GLIS3: variants seen among roughly 807,000 people sequenced by gnomAD.
The protein encoded by GLIS3 is GLIS family zinc finger 3, also known as zinc finger protein GLIS3.
GLIS3 carries 53 observed loss-of-function variants against 78.6 expected under a neutral mutation model. That is an observed-to-expected ratio of 0.67 (90% CI 0.54 to 0.85). The LOEUF is 0.85. Among genes scored for constraint, GLIS3 ranks in the 40% least tolerant of loss-of-function variants. The pLI is 0.00. For missense variants in GLIS3, 1,703 were observed against 1,231.1 expected (o/e 1.38, Z -5.74); for synonymous variants, 684 against 509.9 (o/e 1.34, Z -4.60).
chr9:4,335,065 T>C (rs868393342), intron 2 of GLIS3, among the ~76,000 whole-genome samples: 7 of 152,024 alleles, frequency 4.6e-5, no homozygotes, highest in African/African-American at 1.4e-4. Flanking sequence ...CCCGCCACTA[T>C]ACCTGGCTAA....
At chr9:4,407,454 G>A in the GLIS3 span, among the ~76,000 whole-genome samples, 1 of 152,152 alleles carries the variant, frequency 6.6e-6, no homozygotes, top group Non-Finnish European at 1.5e-5. Context: ...GACCATCCTG[G>A]CTAACACTGT....
intron 1 of GLIS3, among the ~76,000 whole-genome samples, chr9:4,288,904 G>A (rs952989378): frequency 6.6e-6 from 1 of 152,002 alleles, no homozygotes; most frequent in Non-Finnish European, 1.5e-5. Context: ...AAAATATGGC[G>A]AATATTCCAG....
intron 2 of GLIS3, among the ~76,000 whole-genome samples, chr9:4,214,510 T>C (rs1367668845): frequency 1.3e-5 from 2 of 152,186 alleles, no homozygotes; most frequent in African/African-American, 2.4e-5. Context: ...AGTCCCAAGA[T>C]AGAAACCTTT....
At chr9:4,181,862 G>A (rs949216480) in intron 2 of GLIS3, among the ~76,000 whole-genome samples, 6 of 152,228 alleles carry the variant, frequency 3.9e-5, no homozygotes, top group South Asian at 2.1e-4. Context: ...CCAAGCTAAG[G>A]GCCCAGATAG....
At chr9:4,205,829 G>C (rs950775972) in intron 2 of GLIS3, among the ~76,000 whole-genome samples, 1 of 152,226 alleles carries the variant, frequency 6.6e-6, no homozygotes, top group African/African-American at 2.4e-5. Context: ...AATGAAAGCA[G>C]TTTCAAGGGA....
At chr9:4,431,533 G>A in the GLIS3 span, among the ~76,000 whole-genome samples, 1 of 152,150 alleles carries the variant, frequency 6.6e-6, no homozygotes, top group Non-Finnish European at 1.5e-5. Context: ...TCCAGAGGCT[G>A]GCAAATGTTT....
chr9:4,469,421 A>T, the GLIS3 span, among the ~76,000 whole-genome samples: 1 of 152,212 alleles, frequency 6.6e-6, no homozygotes. Flanking sequence ...AAGAACAGAA[A>T]TTATAACAAA....
chr9:3,903,496 G>A (rs368574585), intron 6 of GLIS3, among the ~76,000 whole-genome samples: 5 of 152,156 alleles, frequency 3.3e-5, no homozygotes, highest in African/African-American at 1.2e-4. Context: ...CTATGTGAAC[G>A]GCGTTCCTGG....
chr9:4,239,725 A>G (rs1470291478), intron 2 of GLIS3, among the ~76,000 whole-genome samples: 1 of 152,222 alleles, frequency 6.6e-6, no homozygotes, highest in Non-Finnish European at 1.5e-5. Flanking sequence ...CATCTAGGAC[A>G]CTAAATAGGT....
intron 3 of GLIS3, among the ~76,000 whole-genome samples, chr9:4,309,382 T>C (rs1032787170): frequency 1.3e-5 from 2 of 152,212 alleles, no homozygotes; most frequent in African/African-American, 4.8e-5. Context: ...TTTCCACTTA[T>C]GAACAAAGGT....
chr9:4,077,719 AAG>A (rs1443198520), intron 4 of GLIS3, among the ~76,000 whole-genome samples: 1 of 152,120 alleles, frequency 6.6e-6, no homozygotes, highest in African/African-American at 2.4e-5. Context: ...AGGAAAGAGA[AAG>A]GGCGGGCTGG....
chr9:4,265,896 G>A (rs902665685), intron 2 of GLIS3, among the ~76,000 whole-genome samples: 1 of 105,532 alleles, frequency 9.5e-6, no homozygotes, highest in Admixed American at 1.1e-4. Flanking sequence ...CACTCACCCT[G>A]GTTTTTTTTT....
the GLIS3 span, among the ~76,000 whole-genome samples, chr9:4,449,741 C>A: frequency 6.6e-6 from 1 of 152,166 alleles, no homozygotes; most frequent in African/African-American, 2.4e-5. Flanking sequence ...AACAGACCTG[C>A]AGCTGAGGGA....
At chr9:4,257,669 G>A (rs1163395022) in intron 2 of GLIS3, among the ~76,000 whole-genome samples, 1 of 151,830 alleles carries the variant, frequency 6.6e-6, no homozygotes, top group African/African-American at 2.4e-5. Flanking sequence ...CGCCTCCCGG[G>A]TTCAGGCCAT....
At chr9:4,449,114 C>T in the GLIS3 span, among the ~76,000 whole-genome samples, 1 of 152,146 alleles carries the variant, frequency 6.6e-6, no homozygotes, top group African/African-American at 2.4e-5. Flanking sequence ...ACACTCCCAC[C>T]CAAATACTGT....
At chr9:4,048,254 G>A (rs1167763637) in intron 4 of GLIS3, among the ~76,000 whole-genome samples, 1 of 152,118 alleles carries the variant, frequency 6.6e-6, no homozygotes, top group Non-Finnish European at 1.5e-5. Context: ...GAAAGTAAAT[G>A]GTATTTTTAA....
the GLIS3 span, among the ~76,000 whole-genome samples, chr9:4,433,221 C>T: frequency 2.6e-5 from 4 of 152,182 alleles, no homozygotes; most frequent in Non-Finnish European, 5.9e-5. Context: ...CACCTGAGGT[C>T]AGGAGTTTGA....
intron 4 of GLIS3, among the ~76,000 whole-genome samples, chr9:4,042,123 GT>G (rs927710221): frequency 1.3e-5 from 2 of 151,998 alleles, no homozygotes; most frequent in Admixed American, 6.6e-5. Context: ...AAAAGCTTGG[GT>G]TTTTGTTTTT....
upstream of GLIS3, among the ~76,000 whole-genome samples, chr9:4,350,406 C>G (rs1027665870): frequency 9.2e-5 from 14 of 152,120 alleles, no homozygotes; most frequent in African/African-American, 2.2e-4. Flanking sequence ...CCTCCCATCT[C>G]TATATGGATA....
Sources: gnomAD v4.1 joint callset for allele counts (sites outside exome capture counted in the v4.1 genomes callset) on GRCh38, gnomAD v4.1.1 for gene constraint, MANE v1.5 for transcripts, NCBI Gene and HGNC (gene_info 2026-07-23, HGNC 2026-07-21) for gene names.